FHAD1: variants seen among roughly 807,000 people sequenced by gnomAD.
FHAD1 encodes forkhead-associated domain-containing protein 1.
Under a neutral mutation model 191.3 loss-of-function variants are expected in FHAD1, and 146 were observed. The observed-to-expected ratio is 0.76, with a 90% CI of 0.67 to 0.88. The LOEUF (loss-of-function observed/expected upper bound fraction) is 0.88, where lower values mean the gene tolerates loss of function less well. FHAD1 is among the 40% of genes least tolerant of loss of function. FHAD1 has a pLI of 0.00. For synonymous variants in FHAD1, 616 were observed against 672.3 expected, an observed-to-expected ratio of 0.92 and a Z score of 1.29; for missense variants, 1,635 against 1,785.8, an observed-to-expected ratio of 0.92 and a Z score of 1.52.
chr1:15,383,386 T>C (rs1220935812), intron 31 of FHAD1: 1 of 394,968 alleles, frequency 2.5e-6, no homozygotes. Context: ...CCGTGACCCA[T>C]GCAGGTGGTC....
At position 15,341,863 on chromosome 1, in the gene FHAD1, T is replaced by A. The variant is rs1442835501; in HGVS notation, c.2105T>A (p.Ile702Asn). ...LEQEEKLKAKIRQLTEEKAAL... is the reference protein window; with the variant it reads ...LEQEEKLKAKNRQLTEEKAAL... ...CAAGAGGAGAAGCTCAAAGCCAAAA[T>A]CAGGCAACTGACGGAAGAGAAGGCG... The change falls in exon 16 of 34, where the codon ATC becomes AAC. Residue 702 changes from isoleucine to asparagine, a missense_variant. Coordinates refer to ENST00000688493, the MANE Select transcript of FHAD1 (RefSeq NM_001391957.1). 1.3e-6 allele frequency: 2 copies of A among 1,551,552 alleles called. No individual in the cohort carries two copies. The highest frequency in any genetic ancestry group is 2.4e-5 in the East Asian group (1 of 40,924).
intron 26 of FHAD1, among the ~76,000 whole-genome samples, chr1:15,372,710 A>C (rs1698469892): frequency 6.6e-6 from 1 of 152,240 alleles, no homozygotes; most frequent in Non-Finnish European, 1.5e-5. Flanking sequence ...ATGTATATGC[A>C]TGAAATGAAC....
chr1:15,383,878 C>A (rs768281960), intron 31 of FHAD1: 2 of 448,604 alleles, frequency 4.5e-6, no homozygotes, highest in African/African-American at 4.0e-5. Flanking sequence ...ACAGCTGGGA[C>A]CTGACCCCAG....
In FHAD1 at chr1:15,380,811, C is replaced by T; in HGVS notation, c.3801+15C>T. ...GTGAAAAGCTGGTATGTACATCCAGCATCCACCCTGCTCCTATCCAAAGCC... is the reference window on the plus strand; with the variant it reads ...GTGAAAAGCTGGTATGTACATCCAGTATCCACCCTGCTCCTATCCAAAGCC... On this transcript the variant is annotated intron_variant, in intron 29 of 33. Coordinates refer to ENST00000688493, the MANE Select transcript of FHAD1 (RefSeq NM_001391957.1). 6.5e-7 allele frequency: 1 copy of T among 1,545,050 alleles called. No homozygotes were observed. The highest frequency in any genetic ancestry group is 8.8e-7 in the Non-Finnish European group (1 of 1,141,344).
At chr1:15,400,943 A>C (rs1707110440), downstream of FHAD1, among the ~76,000 whole-genome samples, 1 of 152,196 alleles carries the variant, frequency 6.6e-6, no homozygotes. Flanking sequence ...AGATTTTTAC[A>C]ATCTACTCAC....
At chr1:15,347,448 A>T (rs1300907180) in intron 18 of FHAD1, among the ~76,000 whole-genome samples, 1 of 152,202 alleles carries the variant, frequency 6.6e-6, no homozygotes, top group Non-Finnish European at 1.5e-5. Flanking sequence ...CACAGGCTCC[A>T]TTCAACTGCC....
intron 10 of FHAD1, among the ~76,000 whole-genome samples, chr1:15,321,887 T>C (rs1676434925): frequency 6.6e-6 from 1 of 152,262 alleles, no homozygotes; most frequent in Admixed American, 6.5e-5. Context: ...TGAAACATAT[T>C]TTGACTGGGT....
At chr1:15,313,919 A>C (rs1043843191) in intron 8 of FHAD1, among the ~76,000 whole-genome samples, 10 of 151,962 alleles carry the variant, frequency 6.6e-5, no homozygotes, top group Non-Finnish European at 1.0e-4. Context: ...AAAAATAACA[A>C]AAATTAGCCA....
chr1:15,385,529 T>C (rs12058947), intron 31 of FHAD1, among the ~76,000 whole-genome samples: 17,874 of 152,190 alleles, frequency 0.12, 2,549 homozygotes, highest in African/African-American at 0.34. Context: ...CTCACGTCTG[T>C]AATATCAGAA....
intron 21 of FHAD1, 96 bp downstream of exon 21, chr1:15,358,379 T>C: frequency 8.1e-7 from 1 of 1,228,468 alleles, no homozygotes; most frequent in South Asian, 1.5e-5. Flanking sequence ...CTTCTCAGCC[T>C]CAGCACTGCT....
In FHAD1 at chr1:15,313,162, A is replaced by C. The variant is rs1574240344; in HGVS notation, c.1145A>C (p.His382Pro). Residue 382 changes from histidine (H) to proline (P), a missense_variant, in exon 8 of 34, where the codon CAC becomes CCC. Transcript: ENST00000688493. ...HLKSQNKDKD[H>P]QLEALGSRCS... Reference sequence around the variant, plus strand: ...AAAAGTCAGAACAAGGACAAGGACCACCAGCTGGAAGCCCTTGGCTCTAGA... The same window carrying C: ...AAAAGTCAGAACAAGGACAAGGACCCCCAGCTGGAAGCCCTTGGCTCTAGA... 2.6e-6 allele frequency: 4 copies of C among 1,552,004 alleles called. No individual in the cohort carries two copies. In the South Asian group the frequency reaches 3.6e-5, roughly 14 times the overall value.
At chr1:15,374,848 G>GTTTTTGTT (rs1699106627) in intron 27 of FHAD1, among the ~76,000 whole-genome samples, 20 of 107,630 alleles carry the variant, frequency 1.9e-4, no homozygotes, top group African/African-American at 8.0e-4. Flanking sequence ...ACTATTGTAC[G>GTTTTTGTT]TTTTTTTTTT....
intron 19 of FHAD1, among the ~76,000 whole-genome samples, chr1:15,350,242 G>A (rs1039932713): frequency 5.3e-5 from 8 of 152,282 alleles, no homozygotes; most frequent in Non-Finnish European, 8.8e-5. Context: ...GGCTGCCAGA[G>A]CTTCCATCCT....
intron 5 of FHAD1, among the ~76,000 whole-genome samples, chr1:15,298,527 C>T (rs2100823650): frequency 6.6e-6 from 1 of 152,292 alleles, no homozygotes; most frequent in East Asian, 1.9e-4. Context: ...AGTTTTTCAT[C>T]CTGGGCTTCT....
rs746696633 is a variant in FHAD1 at position 15,367,493 on chromosome 1, T to G, written c.3185T>G (p.Leu1062Arg). Residue 1062 changes from leucine to arginine, a missense_variant, in exon 25 of 34, where the codon CTG becomes CGG. Coordinates refer to ENST00000688493, the MANE Select transcript of FHAD1 (RefSeq NM_001391957.1). Reference protein sequence around the residue: ...GELNEKQKMELEQNVVLVQQQ... With the variant: ...GELNEKQKMEREQNVVLVQQQ... ...CTAAACGAGAAGCAGAAGATGGAACTGGAGCAGAACGTGGTGCTGGTCCAG... is the reference window on the plus strand; with the variant it reads ...CTAAACGAGAAGCAGAAGATGGAACGGGAGCAGAACGTGGTGCTGGTCCAG... 3 of 1,551,440 alleles carry G rather than the reference T, an allele frequency of 1.9e-6. No individual in the cohort carries two copies. In the South Asian group the frequency reaches 3.6e-5, roughly 18 times the overall value.
intron 2 of FHAD1, among the ~76,000 whole-genome samples, chr1:15,269,848 G>A (rs950656997): frequency 2.0e-5 from 3 of 151,374 alleles, no homozygotes; most frequent in Non-Finnish European, 4.4e-5. Context: ...CTGTTGTTAG[G>A]TGCATGCACA....
intron 1 of FHAD1, 125 bp from the exon 2 acceptor site, chr1:15,251,646 C>G: frequency 1.4e-6 from 1 of 710,800 alleles, no homozygotes; most frequent in South Asian, 2.0e-5. Flanking sequence ...TATCTAATCC[C>G]CCCTCTTCTG....
chr1:15,372,580 G>A (rs944229594), intron 26 of FHAD1, among the ~76,000 whole-genome samples: 3 of 152,148 alleles, frequency 2.0e-5, no homozygotes, highest in Non-Finnish European at 4.4e-5. Context: ...AACAGTGTCC[G>A]GCATGCAGCC....
intron 28 of FHAD1, among the ~76,000 whole-genome samples, chr1:15,377,489 C>T (rs1427989782): frequency 2.0e-5 from 3 of 152,232 alleles, no homozygotes; most frequent in African/African-American, 7.2e-5. Flanking sequence ...CAGGAAACCT[C>T]TCCACTCTCT....
Sources: gnomAD v4.1 joint callset for allele counts (sites outside exome capture counted in the v4.1 genomes callset) on GRCh38, gnomAD v4.1.1 for gene constraint, MANE v1.5 for transcripts, NCBI Gene and HGNC (gene_info 2026-07-23, HGNC 2026-07-21) for gene names.